The following CERT1 variants were observed in gnomAD, a reference collection of about 807,000 sequenced individuals.
The protein encoded by CERT1 is ceramide transfer protein.
CERT1 carries 31 observed loss-of-function variants against 87.9 expected under a neutral mutation model. The ratio of observed to expected loss-of-function variants is 0.35; its 90% CI spans 0.27 to 0.48. CERT1 has a LOEUF of 0.48. CERT1 is among the 20% of genes least tolerant of loss of function. CERT1 has a pLI of 0.99. For synonymous variants in CERT1, 289 were observed against 250.9 expected (o/e 1.15, Z -1.44); for missense variants, 487 against 758.0 (o/e 0.64, Z 4.20).
chr5:75,417,873 C>A (rs1260011027), intron 6 of CERT1, among the ~76,000 whole-genome samples: 1 of 152,166 alleles, frequency 6.6e-6, no homozygotes, highest in Non-Finnish European at 1.5e-5. Context: ...ATAATAAACA[C>A]TGGCTGGGCG....
chr5:75,399,977 C>T (rs762784361), intron 10 of CERT1, among the ~76,000 whole-genome samples: 1 of 151,998 alleles, frequency 6.6e-6, no homozygotes, highest in Non-Finnish European at 1.5e-5. Context: ...ATTAAAAATA[C>T]AAAAATTAGC....
In CERT1 at chr5:75,425,281, A is replaced by G; in HGVS notation, c.595+80T>C. On this transcript the variant is annotated intron_variant, in intron 5 of 16. Transcript: ENST00000643780. ...ATGACTATAAACACCTTTATCACTT[A>G]AAGACATTACCCTTTGAGATCAAGA... 4 of 1,389,010 alleles carry G rather than the reference A, an allele frequency of 2.9e-6. No homozygotes were observed. The South Asian group carries it at 3.9e-5, about 14-fold the overall frequency. The allele number at this position is 1,389,010 out of a possible 1,614,324, so 86.0% of individuals were successfully genotyped here. A position where few individuals can be genotyped will look rare whatever the true frequency, so the allele number is the denominator to read the frequency against.
intron 1 of CERT1, among the ~76,000 whole-genome samples, chr5:75,506,704 T>C (rs961706812): frequency 1.3e-5 from 2 of 152,232 alleles, no homozygotes; most frequent in African/African-American, 4.8e-5. Context: ...ACTTTTCCTC[T>C]ACAGAACTGA....
At chr5:75,420,121 T>C (rs1438335097) in intron 5 of CERT1, among the ~76,000 whole-genome samples, 1 of 146,314 alleles carries the variant, frequency 6.8e-6, no homozygotes, top group Non-Finnish European at 1.5e-5. Flanking sequence ...GGACTACAGG[T>C]GCGTGCCACC....
At chr5:75,381,037 A>T (rs1287202706) in intron 16 of CERT1, 35 bp downstream of exon 16, 1 of 1,609,136 alleles carries the variant, frequency 6.2e-7, no homozygotes, top group Non-Finnish European at 8.5e-7. Flanking sequence ...AAGAACAGCC[A>T]CATTATCAAA....
intron 2 of CERT1, among the ~76,000 whole-genome samples, chr5:75,467,379 C>A (rs181927290): frequency 6.6e-6 from 1 of 152,038 alleles, no homozygotes. Context: ...TGGTAGCTCA[C>A]GCCTGTAATC....
At chr5:75,481,503 A>G (rs1226887589) in intron 2 of CERT1, among the ~76,000 whole-genome samples, 3 of 152,190 alleles carry the variant, frequency 2.0e-5, no homozygotes, top group Non-Finnish European at 4.4e-5. Context: ...AAAGATGTTA[A>G]AATAACAAAA....
chr5:75,407,056 AG>A (rs1249338791), intron 8 of CERT1, among the ~76,000 whole-genome samples: 1 of 152,192 alleles, frequency 6.6e-6, no homozygotes, highest in African/African-American at 2.4e-5. Flanking sequence ...CTCCAAAAGA[AG>A]GGGAAGTGTA....
rs763964838 is a variant in CERT1, at chr5:75,511,243, C to T, written c.-36G>A. ...CAACCGAGCAGGAGACCGGCCCCCG[C>T]TCCCTCAGCTGCGCCGGAGGAGGCG... On this transcript the variant is annotated 5_prime_UTR_variant, in exon 1 of 17. Coordinates refer to ENST00000643780, the MANE Select transcript of CERT1 (RefSeq NM_001379029.1). 6.2e-7 allele frequency: 1 copy of T among 1,607,762 alleles called. No individual in the cohort carries two copies. The highest frequency in any genetic ancestry group is 8.5e-7 in the Non-Finnish European group (1 of 1,177,370).
chr5:75,496,083 T>C (rs1319066817), intron 2 of CERT1, among the ~76,000 whole-genome samples: 2 of 152,088 alleles, frequency 1.3e-5, no homozygotes, highest in South Asian at 4.1e-4. Flanking sequence ...AACATGTACC[T>C]GACAAACGTT....
At chr5:75,509,198 C>G (rs1306421109) in intron 1 of CERT1, among the ~76,000 whole-genome samples, 1 of 152,048 alleles carries the variant, frequency 6.6e-6, no homozygotes, top group Non-Finnish European at 1.5e-5. Context: ...TGTACCGGGA[C>G]TTATTTACAT....
chr5:75,418,580 G>A (rs530596195), intron 6 of CERT1, among the ~76,000 whole-genome samples: 10 of 152,130 alleles, frequency 6.6e-5, no homozygotes, highest in African/African-American at 2.4e-4. Context: ...AACTGTAACC[G>A]ACCCAAATGT....
chr5:75,450,959 A>G (rs186517249), intron 3 of CERT1, among the ~76,000 whole-genome samples: 1 of 152,342 alleles, frequency 6.6e-6, no homozygotes, highest in Non-Finnish European at 1.5e-5. Flanking sequence ...ATGATCCATA[A>G]CCTTGACAAA....
intron 3 of CERT1, among the ~76,000 whole-genome samples, chr5:75,446,664 T>A (rs1351983307): frequency 6.6e-6 from 1 of 152,196 alleles, no homozygotes; most frequent in Admixed American, 6.5e-5. Context: ...TTATTTGTTA[T>A]TGTTATTTTT....
chr5:75,444,548 CTTTTTTT>C (rs952234196), intron 3 of CERT1, among the ~76,000 whole-genome samples: 1 of 128,808 alleles, frequency 7.8e-6, no homozygotes, highest in Non-Finnish European at 1.7e-5. Flanking sequence ...CTTTTCTTTT[CTTTTTTT>C]TTTTTTTTTT....
chr5:75,435,679 C>T (rs79356575), intron 3 of CERT1, among the ~76,000 whole-genome samples: 2,476 of 152,194 alleles, frequency 0.016, 60 homozygotes, highest in African/African-American at 0.054. Flanking sequence ...TTTCTGGACA[C>T]TTTAAGGGGG....
intron 3 of CERT1, among the ~76,000 whole-genome samples, chr5:75,458,363 CAA>C (rs35849831): frequency 1.3e-5 from 2 of 151,852 alleles, no homozygotes; most frequent in Non-Finnish European, 2.9e-5. Context: ...AGAATTTACC[CAA>C]AAAGTTATAA....
chr5:75,475,056 C>T (rs1269921702), intron 2 of CERT1, among the ~76,000 whole-genome samples: 2 of 152,082 alleles, frequency 1.3e-5, no homozygotes, highest in Non-Finnish European at 2.9e-5. Context: ...AAAATACCCA[C>T]AGTCCAAGGC....
chr5:75,392,173 A>G (rs758439437), intron 11 of CERT1, among the ~76,000 whole-genome samples: 1 of 152,212 alleles, frequency 6.6e-6, no homozygotes. Context: ...TAAAAAATAT[A>G]TAGATAGCAC....
Sources: gnomAD v4.1 joint callset for allele counts (sites outside exome capture counted in the v4.1 genomes callset) on GRCh38, gnomAD v4.1.1 for gene constraint, MANE v1.5 for transcripts, NCBI Gene and HGNC (gene_info 2026-07-23, HGNC 2026-07-21) for gene names.